ENTREP2: variants seen among roughly 807,000 people sequenced by gnomAD.
The protein encoded by ENTREP2 is protein ENTREP2.
At chr15:29,587,193 C>T in the ENTREP2 span, among the ~76,000 whole-genome samples, 26 of 129,228 alleles carry the variant, frequency 2.0e-4, 1 homozygote, top group South Asian at 2.6e-3. Flanking sequence ...GTGTGTGTTT[C>T]GTAGCTCTGT....
chr15:29,252,467 G>A, the ENTREP2 span: 4 of 1,545,374 alleles, frequency 2.6e-6, no homozygotes, highest in Non-Finnish European at 3.5e-6. Flanking sequence ...AAAGCAGCAT[G>A]AAAAAGGTTA....
the ENTREP2 span, among the ~76,000 whole-genome samples, chr15:29,482,099 G>A: frequency 7.2e-5 from 11 of 151,744 alleles, no homozygotes; most frequent in East Asian, 1.9e-3. Context: ...CCAGGTTCAA[G>A]CAATTCTCCT....
At chr15:29,471,296 T>C in the ENTREP2 span, among the ~76,000 whole-genome samples, 1 of 152,238 alleles carries the variant, frequency 6.6e-6, no homozygotes, top group Non-Finnish European at 1.5e-5. Flanking sequence ...GCTAATGCAT[T>C]GTGCAGAGAG....
the ENTREP2 span, among the ~76,000 whole-genome samples, chr15:29,435,074 C>T: frequency 6.6e-6 from 1 of 152,132 alleles, no homozygotes; most frequent in African/African-American, 2.4e-5. Context: ...CCTTTCCTCC[C>T]CATTTTCCCC....
At chr15:29,654,807 A>G in the ENTREP2 span, among the ~76,000 whole-genome samples, 1 of 152,212 alleles carries the variant, frequency 6.6e-6, no homozygotes, top group Non-Finnish European at 1.5e-5. Context: ...GAGCAAGGTG[A>G]TATTTGTGTC....
the ENTREP2 span, among the ~76,000 whole-genome samples, chr15:29,402,250 G>T: frequency 2.1e-5 from 2 of 94,278 alleles, no homozygotes; most frequent in East Asian, 3.3e-4. Context: ...TATTATAGAA[G>T]AATATATATA....
At chr15:29,401,870 C>G in the ENTREP2 span, among the ~76,000 whole-genome samples, 1 of 152,270 alleles carries the variant, frequency 6.6e-6, no homozygotes, top group East Asian at 1.9e-4. Context: ...AAGCAAGACA[C>G]AGCCCAGTGT....
the ENTREP2 span, among the ~76,000 whole-genome samples, chr15:29,225,767 G>C: frequency 6.6e-6 from 1 of 152,168 alleles, no homozygotes; most frequent in South Asian, 2.1e-4. Flanking sequence ...CAGCCCCTGC[G>C]CCTCACCCCC....
At chr15:29,356,292 ATATATTTTTTTT>A in the ENTREP2 span, among the ~76,000 whole-genome samples, 97 of 59,348 alleles carry the variant, frequency 1.6e-3, no homozygotes, top group African/African-American at 5.8e-3. Context: ...ATATATATAT[ATATATTTTTTTT>A]TTTTTTTTTT....
chr15:29,413,214 CCT>C, the ENTREP2 span, among the ~76,000 whole-genome samples: 2 of 151,840 alleles, frequency 1.3e-5, no homozygotes, highest in Admixed American at 6.6e-5. Flanking sequence ...AAAGATAGTC[CCT>C]GTTTACATGA....
the ENTREP2 span, among the ~76,000 whole-genome samples, chr15:29,564,289 T>C: frequency 1.3e-5 from 2 of 152,216 alleles, no homozygotes; most frequent in Non-Finnish European, 2.9e-5. Flanking sequence ...CTCTAGAACT[T>C]TGAAGTCCTT....
the ENTREP2 span, among the ~76,000 whole-genome samples, chr15:29,224,399 T>G: frequency 6.6e-6 from 1 of 152,132 alleles, no homozygotes; most frequent in African/African-American, 2.4e-5. Context: ...CTGCGCCGGG[T>G]TGCCACTGCT....
the ENTREP2 span, among the ~76,000 whole-genome samples, chr15:29,413,337 G>A: frequency 5.9e-5 from 9 of 152,106 alleles, no homozygotes; most frequent in Non-Finnish European, 1.0e-4. Context: ...CAATCAATAT[G>A]TATTGAAATT....
chr15:29,554,179 G>A, the ENTREP2 span, among the ~76,000 whole-genome samples: 1 of 151,922 alleles, frequency 6.6e-6, no homozygotes, highest in African/African-American at 2.4e-5. Flanking sequence ...TGCGTGTGGT[G>A]GCGCGTTGCC....
At chr15:29,462,374 T>C in the ENTREP2 span, among the ~76,000 whole-genome samples, 1 of 152,102 alleles carries the variant, frequency 6.6e-6, no homozygotes, top group African/African-American at 2.4e-5. Flanking sequence ...TTTGGAAGGC[T>C]GAGGCGGGCA....
At chr15:29,259,284 A>G in the ENTREP2 span, among the ~76,000 whole-genome samples, 1 of 152,250 alleles carries the variant, frequency 6.6e-6, no homozygotes, top group Non-Finnish European at 1.5e-5. Flanking sequence ...ATCTGATTTC[A>G]GAGTCACCAC....
the ENTREP2 span, among the ~76,000 whole-genome samples, chr15:29,386,929 T>A: frequency 2.0e-5 from 3 of 152,214 alleles, no homozygotes; most frequent in African/African-American, 7.2e-5. Context: ...AAATATACAA[T>A]CATGTCATTT....
chr15:29,370,072 C>G, the ENTREP2 span, among the ~76,000 whole-genome samples: 1 of 152,186 alleles, frequency 6.6e-6, no homozygotes, highest in African/African-American at 2.4e-5. Flanking sequence ...CTCAGATATT[C>G]TGTTATGGCA....
chr15:29,671,629 G>T, the ENTREP2 span, among the ~76,000 whole-genome samples: 7 of 152,186 alleles, frequency 4.6e-5, no homozygotes, highest in African/African-American at 1.7e-4. Flanking sequence ...CAGCAGGGTG[G>T]CTTTTGTTTG....
Sources: allele counts gnomAD v4.1 joint callset (sites outside exome capture counted in the v4.1 genomes callset), GRCh38; gene constraint gnomAD v4.1.1; transcripts MANE v1.5; gene names NCBI Gene and HGNC (gene_info 2026-07-23, HGNC 2026-07-21).